CXCL13: variants seen among roughly 807,000 people sequenced by gnomAD.
CXCL13 encodes C-X-C motif chemokine 13.
Under a neutral mutation model 12.2 loss-of-function variants are expected in CXCL13, and 7 were observed. The observed-to-expected ratio is 0.57, with a 90% CI of 0.33 to 1.07. CXCL13 has a LOEUF of 1.07. Ranked by LOEUF, CXCL13 falls within the 50% of genes least tolerant of loss-of-function variation. CXCL13 has a pLI of 0.04. For synonymous variants in CXCL13, 47 were observed against 42.4 expected (o/e 1.11, Z -0.42); for missense variants, 113 against 127.4 (o/e 0.89, Z 0.55).
At chr4:77,555,129 A>T (rs899099975) in intron 1 of CXCL13, among the ~76,000 whole-genome samples, 2 of 152,006 alleles carry the variant, frequency 1.3e-5, no homozygotes, top group African/African-American at 2.4e-5. Flanking sequence ...CAGGAAAAAA[A>T]CCAATGAAAC....
intron 1 of CXCL13, among the ~76,000 whole-genome samples, chr4:77,572,228 C>T (rs6831222): frequency 0.022 from 3,348 of 151,846 alleles, 204 homozygotes; most frequent in African/African-American, 0.076. Flanking sequence ...AGGTGAAATT[C>T]CATCTCCCCT....
intron 1 of CXCL13, among the ~76,000 whole-genome samples, chr4:77,523,479 CTCTT>C (rs1413647262): frequency 6.6e-6 from 1 of 152,122 alleles, no homozygotes; most frequent in Non-Finnish European, 1.5e-5. Flanking sequence ...GTGACTGATA[CTCTT>C]TCTTCCACTT....
At chr4:77,548,206 A>G (rs556432317) in intron 1 of CXCL13, among the ~76,000 whole-genome samples, 4 of 152,348 alleles carry the variant, frequency 2.6e-5, no homozygotes, top group South Asian at 2.1e-4. Flanking sequence ...CAGGAGGAGA[A>G]AGAGACAAAT....
chr4:77,555,366 A>C (rs1413013703), intron 1 of CXCL13, among the ~76,000 whole-genome samples: 2 of 152,182 alleles, frequency 1.3e-5, no homozygotes, highest in Non-Finnish European at 2.9e-5. Flanking sequence ...AAACAGGGAA[A>C]CCTAATAGCA....
At chr4:77,598,661 T>C (rs887885535) in intron 1 of CXCL13, among the ~76,000 whole-genome samples, 3 of 152,160 alleles carry the variant, frequency 2.0e-5, no homozygotes, top group Non-Finnish European at 4.4e-5. Context: ...GGCAATATAG[T>C]AGAGTGGCAG....
intron 1 of CXCL13, among the ~76,000 whole-genome samples, chr4:77,512,091 C>T (rs1489121170): frequency 4.6e-5 from 7 of 152,066 alleles, no homozygotes; most frequent in Non-Finnish European, 7.4e-5. Flanking sequence ...TTTCTTTGAT[C>T]GAAACTTTAA....
intron 1 of CXCL13, among the ~76,000 whole-genome samples, chr4:77,600,139 T>C (rs1271998788): frequency 6.6e-6 from 1 of 151,844 alleles, no homozygotes; most frequent in Non-Finnish European, 1.5e-5. Context: ...GTGAGAAGTA[T>C]CTAGGAGGCC....
At chr4:77,594,184 G>A (rs1004199154) in intron 1 of CXCL13, among the ~76,000 whole-genome samples, 9 of 152,210 alleles carry the variant, frequency 5.9e-5, no homozygotes, top group Admixed American at 1.3e-4. Flanking sequence ...AGTCATGCAT[G>A]TCTATCTCTG....
intron 1 of CXCL13, among the ~76,000 whole-genome samples, chr4:77,544,149 A>T (rs1349419323): frequency 1.3e-5 from 2 of 152,176 alleles, no homozygotes; most frequent in East Asian, 3.8e-4. Flanking sequence ...TCTATCATTG[A>T]TAGACATTTG....
At chr4:77,528,081 C>A (rs1724811708) in intron 1 of CXCL13, among the ~76,000 whole-genome samples, 1 of 152,200 alleles carries the variant, frequency 6.6e-6, no homozygotes, top group South Asian at 2.1e-4. Flanking sequence ...TTTCCAGCTT[C>A]ATCCATGTCC....
chr4:77,589,431 G>T (rs1377131161), intron 1 of CXCL13, among the ~76,000 whole-genome samples: 1 of 151,974 alleles, frequency 6.6e-6, no homozygotes, highest in South Asian at 2.1e-4. Context: ...ACTTAAAAAT[G>T]GCCATAAAGC....
chr4:77,540,461 C>T (rs181712592), intron 1 of CXCL13, among the ~76,000 whole-genome samples: 39 of 152,216 alleles, frequency 2.6e-4, no homozygotes, highest in Non-Finnish European at 1.5e-5. Context: ...TTGTTTCCAT[C>T]TTTACGTCCA....
At chr4:77,583,841 G>A (rs949728968) in intron 1 of CXCL13, among the ~76,000 whole-genome samples, 1 of 152,172 alleles carries the variant, frequency 6.6e-6, no homozygotes, top group Non-Finnish European at 1.5e-5. Context: ...CTCTTCATGG[G>A]CTAGGTGAGT....
chr4:77,543,081 T>A (rs182458895), intron 1 of CXCL13, among the ~76,000 whole-genome samples: 13 of 152,264 alleles, frequency 8.5e-5, no homozygotes, highest in African/African-American at 3.1e-4. Flanking sequence ...TCTGCCTGAT[T>A]CAATCTTGGG....
intron 1 of CXCL13, among the ~76,000 whole-genome samples, chr4:77,575,290 C>T (rs748821154): frequency 2.0e-5 from 3 of 151,806 alleles, no homozygotes; most frequent in Non-Finnish European, 4.4e-5. Flanking sequence ...TTTTAAACCT[C>T]CAACTTTTTT....
chr4:77,539,826 T>A (rs1725158356), intron 1 of CXCL13, among the ~76,000 whole-genome samples: 1 of 152,128 alleles, frequency 6.6e-6, no homozygotes, highest in Non-Finnish European at 1.5e-5. Context: ...TACCATCACC[T>A]GATGGCTGCC....
At chr4:77,585,839 C>A (rs933097495) in intron 1 of CXCL13, among the ~76,000 whole-genome samples, 11 of 151,208 alleles carry the variant, frequency 7.3e-5, no homozygotes, top group African/African-American at 2.4e-4. Context: ...GGGCACGCGG[C>A]AGGCCTCATC....
upstream of CXCL13, chr4:77,605,802 C>A: frequency 9.6e-7 from 1 of 1,041,504 alleles, no homozygotes; most frequent in Non-Finnish European, 1.4e-6. Context: ...AAATAGGAGT[C>A]TCTGGTACTG....
At chr4:77,573,904 G>A (rs114004395) in intron 1 of CXCL13, among the ~76,000 whole-genome samples, 1,933 of 151,908 alleles carry the variant, frequency 0.013, 92 homozygotes, top group African/African-American at 0.043. Flanking sequence ...GTGATTCTAG[G>A]TCTTGTGAAA....
Sources: allele counts gnomAD v4.1 joint callset (sites outside exome capture counted in the v4.1 genomes callset), GRCh38; gene constraint gnomAD v4.1.1; transcripts MANE v1.5; gene names NCBI Gene and HGNC (gene_info 2026-07-23, HGNC 2026-07-21).